BRD4: variants seen among roughly 807,000 people sequenced by gnomAD.
BRD4 encodes the protein bromodomain containing 4.
Under a neutral mutation model 142.1 loss-of-function variants are expected in BRD4, and 16 were observed. The observed-to-expected ratio is 0.11, with a 90% confidence interval of 0.08 to 0.17. The LOEUF is 0.17. Ranked by LOEUF, BRD4 falls within the 10% of genes least tolerant of loss-of-function variation. The probability of loss-of-function intolerance (pLI) is 1.00; values close to 1 mark genes in which losing one functional copy is unlikely to be tolerated. For missense variants in BRD4, 1,424 were observed against 1,810.9 expected (o/e 0.79, Z 3.88); for synonymous variants, 833 against 707.5 (o/e 1.18, Z -2.82).
At chr19:15,317,546 C>T (rs2145723799) in intron 1 of BRD4, among the ~76,000 whole-genome samples, 1 of 152,120 alleles carries the variant, frequency 6.6e-6, no homozygotes, top group East Asian at 1.9e-4. Context: ...GCTACAAACC[C>T]TGAACTTTTC....
intron 1 of BRD4, among the ~76,000 whole-genome samples, chr19:15,297,294 G>A (rs957422869): frequency 2.0e-5 from 3 of 152,192 alleles, no homozygotes; most frequent in Non-Finnish European, 2.9e-5. Flanking sequence ...TGCACAGACT[G>A]CAGAGCCTTC....
intron 7 of BRD4, among the ~76,000 whole-genome samples, chr19:15,259,035 G>C (rs2047441806): frequency 6.6e-6 from 1 of 152,196 alleles, no homozygotes; most frequent in Non-Finnish European, 1.5e-5. Context: ...CTTCACATCA[G>C]AGTGGAGGCC....
chr19:15,256,016 G>A lies in BRD4; in HGVS notation c.1751+48C>T, dbSNP rs764466557. 5.6e-6 allele frequency: 9 copies of A among 1,604,160 alleles called. No individual in the cohort carries two copies. The East Asian group carries it at 2.0e-4, about 36-fold the overall frequency. ...AGTGGCCCACACAGTCTCAGAGCAA[G>A]CCCTGGAAGGAGGGTCCCCACCCAG... On this transcript the variant is annotated intron_variant, in intron 9 of 19. Coordinates refer to ENST00000679869, the MANE Select transcript of BRD4 (RefSeq NM_001379291.1).
intron 1 of BRD4, among the ~76,000 whole-genome samples, chr19:15,328,674 T>C (rs563218217): frequency 3.9e-5 from 6 of 152,382 alleles, no homozygotes; most frequent in South Asian, 4.1e-4. Flanking sequence ...CGTTTATTCA[T>C]TGAGACTATT....
rs2047317081 is a variant in BRD4, at chr19:15,249,038, G to A, written c.2159-4276C>T. 20 of 588,976 alleles carry A rather than the reference G, an allele frequency of 3.4e-5. No homozygotes were observed. In the South Asian group the frequency reaches 3.5e-4, roughly 10 times the overall value. The allele number at this position is 588,976 out of a possible 1,614,324, so 36.5% of individuals were successfully genotyped here. A position where few individuals can be genotyped will look rare whatever the true frequency, so the allele number is the denominator to read the frequency against. Reference sequence around the variant, plus strand: ...CCAGGAAGGCTGGGCAGGACAGCCAGGCAGTCTTTACACAGAGAGGCCTGG... The same window carrying A: ...CCAGGAAGGCTGGGCAGGACAGCCAAGCAGTCTTTACACAGAGAGGCCTGG... On this transcript the variant is annotated intron_variant, in intron 11 of 19. Transcript: ENST00000679869.
chr19:15,297,834 G>T (rs1232475567), intron 1 of BRD4, among the ~76,000 whole-genome samples: 1 of 152,216 alleles, frequency 6.6e-6, no homozygotes, highest in Non-Finnish European at 1.5e-5. Flanking sequence ...GGTAATGGCA[G>T]CATATAAGGA....
chr19:15,249,016 G>C, intron 11 of BRD4: 1 of 562,256 alleles, frequency 1.8e-6, no homozygotes. Flanking sequence ...CAGAGAACCA[G>C]GAAGGCTGGG....
chr19:15,246,826 A>C (rs904030066), intron 11 of BRD4, among the ~76,000 whole-genome samples: 1 of 152,148 alleles, frequency 6.6e-6, no homozygotes, highest in African/African-American at 2.4e-5. Context: ...CAGGCAAGGC[A>C]GGCCTAAAAA....
At chr19:15,264,861 G>C in intron 5 of BRD4, 95 bp from the exon 6 acceptor site, 1 of 1,511,632 alleles carries the variant, frequency 6.6e-7, no homozygotes, top group Non-Finnish European at 8.9e-7. Flanking sequence ...CTGTCTTGGG[G>C]CCCATCGCTC....
At chr19:15,249,488 G>C (rs2047321782) in intron 11 of BRD4, among the ~76,000 whole-genome samples, 1 of 152,198 alleles carries the variant, frequency 6.6e-6, no homozygotes, top group Admixed American at 6.5e-5. Flanking sequence ...CGCCCGCTTA[G>C]AAAGGTCACA....
chr19:15,263,610 G>A (rs2145596063), intron 6 of BRD4, 62 bp from the exon 7 acceptor site: 1 of 1,599,298 alleles, frequency 6.3e-7, no homozygotes, highest in Non-Finnish European at 8.6e-7. Flanking sequence ...AGAAGTGGCT[G>A]GCAGCAGACG....
intron 1 of BRD4, among the ~76,000 whole-genome samples, chr19:15,307,844 G>GT (rs1231978017): frequency 1.3e-5 from 2 of 152,142 alleles, no homozygotes; most frequent in African/African-American, 4.8e-5. Flanking sequence ...GCCAGATGTG[G>GT]TGGCTCACAC....
Position 15,244,608 on chromosome 19 carries a change from C to CAG in BRD4, c.2212-10_2212-9dup, listed in dbSNP as rs762340682. On this transcript the variant is annotated splice_polypyrimidine_tract_variant and intron_variant, in intron 12 of 19. Transcript: ENST00000679869. ...ATGGTGGTGATGATGGTGCTGCAGA[C>CAG]AGAGAGACAGACAGACAGACAGGCT... 1 of 1,612,986 alleles carries CAG rather than the reference C, an allele frequency of 6.2e-7. No individual in the cohort carries two copies. The highest frequency in any genetic ancestry group is 8.5e-7 in the Non-Finnish European group (1 of 1,179,888).
chr19:15,307,784 G>C (rs184840146), intron 1 of BRD4, among the ~76,000 whole-genome samples: 60 of 152,228 alleles, frequency 3.9e-4, no homozygotes, highest in Non-Finnish European at 6.9e-4. Flanking sequence ...TGACCTCCAA[G>C]GAGTGGGTAC....
intron 11 of BRD4, chr19:15,247,770 A>G (rs1384305553): frequency 2.6e-5 from 6 of 232,694 alleles, no homozygotes; most frequent in African/African-American, 1.3e-4. Context: ...GCGCAGGCCA[A>G]AGGGCAGCTG....
intron 1 of BRD4, among the ~76,000 whole-genome samples, chr19:15,273,834 T>C (rs558486367): frequency 1.1e-4 from 16 of 150,164 alleles, no homozygotes; most frequent in Non-Finnish European, 1.6e-4. Context: ...TTTTTTTTTT[T>C]CATCTCTAGT....
intron 1 of BRD4, among the ~76,000 whole-genome samples, chr19:15,291,164 G>A (rs993316009): frequency 6.6e-6 from 1 of 152,162 alleles, no homozygotes; most frequent in Non-Finnish European, 1.5e-5. Flanking sequence ...CCTGGAGTAG[G>A]CCTATAAGGA....
intron 1 of BRD4, among the ~76,000 whole-genome samples, chr19:15,275,414 G>A (rs2145632529): frequency 6.6e-6 from 1 of 152,294 alleles, no homozygotes; most frequent in Middle Eastern, 3.4e-3. Flanking sequence ...GGAAACACCA[G>A]GTCTAAGCAG....
intron 4 of BRD4, among the ~76,000 whole-genome samples, chr19:15,266,659 G>C (rs943118454): frequency 6.6e-6 from 1 of 152,192 alleles, no homozygotes; most frequent in Non-Finnish European, 1.5e-5. Context: ...GGTTACCTTT[G>C]GGTGCAGCAG....
Sources: allele counts gnomAD v4.1 joint callset (sites outside exome capture counted in the v4.1 genomes callset), GRCh38; gene constraint gnomAD v4.1.1; transcripts MANE v1.5; gene names NCBI Gene and HGNC (gene_info 2026-07-23, HGNC 2026-07-21).